The following CTNND2 variants were observed in gnomAD, a reference collection of about 807,000 sequenced individuals.
CTNND2 encodes catenin delta-2.
Under a neutral mutation model 144.4 loss-of-function variants are expected in CTNND2, and 22 were observed. That is an observed-to-expected ratio of 0.15 (90% CI 0.11 to 0.22). The LOEUF (loss-of-function observed/expected upper bound fraction) is 0.22, where lower values mean the gene tolerates loss of function less well. Ranked by LOEUF, CTNND2 falls within the 10% of genes least tolerant of loss-of-function variation. The pLI is 1.00. For missense variants in CTNND2, 1,353 were observed against 1,618.8 expected (o/e 0.84, Z 2.82); for synonymous variants, 751 against 695.6 (o/e 1.08, Z -1.25).
At chr5:11,726,991 A>G (rs1468109655) in intron 2 of CTNND2, among the ~76,000 whole-genome samples, 1 of 152,190 alleles carries the variant, frequency 6.6e-6, no homozygotes, top group Non-Finnish European at 1.5e-5. Context: ...GAGCATCAGG[A>G]AGCAGGGGTG....
At chr5:11,612,737 C>CA (rs1486399503) in intron 2 of CTNND2, among the ~76,000 whole-genome samples, 1 of 151,836 alleles carries the variant, frequency 6.6e-6, no homozygotes, top group African/African-American at 2.4e-5. Context: ...CCCACCTCTA[C>CA]AAAAAATAAA....
At chr5:11,312,031 A>C (rs1750990272) in intron 9 of CTNND2, among the ~76,000 whole-genome samples, 3 of 142,736 alleles carry the variant, frequency 2.1e-5, no homozygotes, top group East Asian at 2.2e-4. Flanking sequence ...CCTTCACCCC[A>C]CACACACACT....
intron 13 of CTNND2, 88 bp from the exon 14 acceptor site, chr5:11,111,131 T>G (rs993195889): frequency 7.3e-7 from 1 of 1,366,038 alleles, no homozygotes; most frequent in Non-Finnish European, 1.0e-6. Flanking sequence ...TCTTTCTCCA[T>G]GGACACATTT....
chr5:11,366,091 C>T (rs1303469694), intron 7 of CTNND2, among the ~76,000 whole-genome samples: 3 of 152,158 alleles, frequency 2.0e-5, no homozygotes, highest in African/African-American at 7.2e-5. Flanking sequence ...TTGGCCATGT[C>T]GGGACAGCTC....
intron 9 of CTNND2, among the ~76,000 whole-genome samples, chr5:11,337,646 G>T (rs1290722223): frequency 6.6e-6 from 1 of 152,096 alleles, no homozygotes; most frequent in African/African-American, 2.4e-5. Flanking sequence ...TACTGATAAA[G>T]CTATAAACTT....
At chr5:11,058,631 A>G (rs1746591013) in intron 16 of CTNND2, among the ~76,000 whole-genome samples, 1 of 152,208 alleles carries the variant, frequency 6.6e-6, no homozygotes, top group African/African-American at 2.4e-5. Flanking sequence ...CTACTGGGGC[A>G]CCACCTAGCG....
chr5:11,825,399 G>A (rs1328328773), intron 1 of CTNND2, among the ~76,000 whole-genome samples: 1 of 152,092 alleles, frequency 6.6e-6, no homozygotes, highest in Non-Finnish European at 1.5e-5. Context: ...ACTCAATACA[G>A]ATTATCTTTA....
At chr5:11,638,344 A>T (rs1196607736) in intron 2 of CTNND2, among the ~76,000 whole-genome samples, 1 of 152,164 alleles carries the variant, frequency 6.6e-6, no homozygotes, top group Non-Finnish European at 1.5e-5. Context: ...TTATGGTATA[A>T]TTCTACTTTT....
chr5:11,179,149 C>T (rs767222266), intron 11 of CTNND2, among the ~76,000 whole-genome samples: 53 of 151,536 alleles, frequency 3.5e-4, no homozygotes, highest in Non-Finnish European at 7.1e-4. Flanking sequence ...GCAATTAGTC[C>T]AGCGTGGTGG....
chr5:10,976,295 A>G (rs1443825588), intron 21 of CTNND2, among the ~76,000 whole-genome samples: 1 of 151,886 alleles, frequency 6.6e-6, no homozygotes, highest in Non-Finnish European at 1.5e-5. Flanking sequence ...CTTTAAGGGA[A>G]TATCTGACAG....
At chr5:11,613,888 C>A (rs910968532) in intron 2 of CTNND2, among the ~76,000 whole-genome samples, 3 of 152,178 alleles carry the variant, frequency 2.0e-5, no homozygotes, top group Admixed American at 2.0e-4. Flanking sequence ...CCGAACAAAA[C>A]CCCATGTCCC....
At chr5:11,138,863 A>T (rs1405197380) in intron 12 of CTNND2, among the ~76,000 whole-genome samples, 1 of 152,196 alleles carries the variant, frequency 6.6e-6, no homozygotes, top group African/African-American at 2.4e-5. Context: ...TTGATTAGTC[A>T]TGAGGAGGTT....
chr5:11,362,536 T>G (rs1403360991), intron 8 of CTNND2, among the ~76,000 whole-genome samples: 2 of 152,172 alleles, frequency 1.3e-5, no homozygotes, highest in African/African-American at 4.8e-5. Flanking sequence ...CCACTTGTGG[T>G]CCTAAGAGGT....
At chr5:11,805,998 T>C (rs1205553325) in intron 1 of CTNND2, among the ~76,000 whole-genome samples, 1 of 152,086 alleles carries the variant, frequency 6.6e-6, no homozygotes, top group East Asian at 1.9e-4. Context: ...GAGAGGGACA[T>C]CCTATAATAT....
intron 9 of CTNND2, among the ~76,000 whole-genome samples, chr5:11,312,720 C>T (rs42686): frequency 0.73 from 111,088 of 151,318 alleles, 42,241 homozygotes; most frequent in Middle Eastern, 0.9. Flanking sequence ...CCTCCCACAG[C>T]CTTAAACATT....
intron 1 of CTNND2, among the ~76,000 whole-genome samples, chr5:11,752,480 T>C (rs4702817): frequency 0.88 from 132,740 of 151,674 alleles, 60,310 homozygotes; most frequent in Non-Finnish European, 0.99. Flanking sequence ...CATTAGATGG[T>C]TGCAGGTATC....
At chr5:11,222,586 A>G (rs1739909454) in intron 10 of CTNND2, among the ~76,000 whole-genome samples, 1 of 152,156 alleles carries the variant, frequency 6.6e-6, no homozygotes, top group South Asian at 2.1e-4. Context: ...CTGGAGGATC[A>G]CTTGAGTCTG....
intron 10 of CTNND2, among the ~76,000 whole-genome samples, chr5:11,204,257 C>G (rs1410294039): frequency 1.3e-5 from 2 of 152,146 alleles, no homozygotes; most frequent in African/African-American, 4.8e-5. Flanking sequence ...CATTCTTGAA[C>G]CTGATGCAGA....
chr5:11,044,206 G>A (rs920261010), intron 16 of CTNND2, among the ~76,000 whole-genome samples: 1 of 152,148 alleles, frequency 6.6e-6, no homozygotes, highest in Non-Finnish European at 1.5e-5. Flanking sequence ...CTTCTGAAAT[G>A]CAGACACCAA....
Sources: gnomAD v4.1 joint callset for allele counts (sites outside exome capture counted in the v4.1 genomes callset) on GRCh38, gnomAD v4.1.1 for gene constraint, MANE v1.5 for transcripts, NCBI Gene and HGNC (gene_info 2026-07-23, HGNC 2026-07-21) for gene names.